The following PTPN3 variants were observed in gnomAD, a reference collection of about 807,000 sequenced individuals.
PTPN3 encodes tyrosine-protein phosphatase non-receptor type 3.
Under a neutral mutation model 132.7 loss-of-function variants are expected in PTPN3, and 96 were observed. That is an observed-to-expected ratio of 0.72 (90% confidence interval 0.61 to 0.86). The LOEUF (loss-of-function observed/expected upper bound fraction) is 0.86. PTPN3 is among the 40% of genes least tolerant of loss of function. The pLI is 0.00. For synonymous variants in PTPN3, 398 were observed against 429.0 expected (o/e 0.93, Z 0.89); for missense variants, 1,125 against 1,159.6 (o/e 0.97, Z 0.43).
chr9:109,409,912 G>A (rs549556979), intron 16 of PTPN3, 87 bp downstream of exon 16: 21 of 1,531,424 alleles, frequency 1.4e-5, no homozygotes, highest in Middle Eastern at 2.1e-4. Context: ...TGTAGCTCAG[G>A]AATGCAGCAC....
upstream of PTPN3, among the ~76,000 whole-genome samples, chr9:109,503,000 C>A (rs551240990): frequency 6.6e-6 from 1 of 152,102 alleles, no homozygotes; most frequent in African/African-American, 2.4e-5. Context: ...AATTTCAAGT[C>A]TTTGGGTGTC....
chr9:109,419,602 T>C (rs909633137), intron 14 of PTPN3, among the ~76,000 whole-genome samples: 1 of 152,070 alleles, frequency 6.6e-6, no homozygotes, highest in Non-Finnish European at 1.5e-5. Context: ...GATATGTAAC[T>C]ATGAATCCAT....
the PTPN3 span, among the ~76,000 whole-genome samples, chr9:109,524,233 G>A: frequency 6.6e-6 from 1 of 151,818 alleles, no homozygotes; most frequent in Admixed American, 6.6e-5. Context: ...AACAGAGTGG[G>A]ACCTTGTCTC....
chr9:109,457,524 A>T, intron 2 of PTPN3, 125 bp from the exon 3 acceptor site: 2 of 729,110 alleles, frequency 2.7e-6, no homozygotes, highest in Non-Finnish European at 4.5e-6. Flanking sequence ...TCCCACCACA[A>T]GAAAAGCTTT....
At position 109,409,986 on chromosome 9, in the gene PTPN3, A is replaced by G. The variant is rs758975977; in HGVS notation, c.1578+13T>C. The stretch of plus-strand genomic sequence containing the variant: ...TCCCAGCACAAAACTTCCTTTATAA[A>G]TACACAACATACCTTAAGATTAAAT... On this transcript the variant is annotated intron_variant, in intron 16 of 25. Transcript: ENST00000374541. The G allele has an allele frequency of 6.2e-7, 1 of 1,613,218 alleles. No homozygotes were observed. The highest frequency in any genetic ancestry group is 1.3e-5 in the African/African-American group (1 of 74,906).
At chr9:109,527,538 T>G in the PTPN3 span, among the ~76,000 whole-genome samples, 1 of 152,164 alleles carries the variant, frequency 6.6e-6, no homozygotes, top group Non-Finnish European at 1.5e-5. Flanking sequence ...AAGGAATAAG[T>G]TCTAGCATTT....
intron 1 of PTPN3, among the ~76,000 whole-genome samples, chr9:109,490,768 C>A (rs573314053): frequency 1.3e-4 from 19 of 151,724 alleles, no homozygotes; most frequent in African/African-American, 4.6e-4. Flanking sequence ...AAGTCAAGGT[C>A]CTGAAGGACC....
the PTPN3 span, among the ~76,000 whole-genome samples, chr9:109,529,474 T>A: frequency 9.2e-5 from 14 of 152,176 alleles, no homozygotes; most frequent in Admixed American, 6.5e-5. Flanking sequence ...TCCTTAATCC[T>A]TTTTCACAGC....
intron 19 of PTPN3, among the ~76,000 whole-genome samples, chr9:109,398,617 G>C (rs979046496): frequency 1.3e-5 from 2 of 152,166 alleles, no homozygotes; most frequent in Non-Finnish European, 2.9e-5. Flanking sequence ...TCAACTGGGG[G>C]ATGCAGGCAT....
intron 18 of PTPN3, among the ~76,000 whole-genome samples, chr9:109,404,900 A>T (rs925035688): frequency 6.6e-6 from 1 of 152,212 alleles, no homozygotes; most frequent in Non-Finnish European, 1.5e-5. Context: ...AATGTTATTT[A>T]AAAAAGCATA....
the PTPN3 span, among the ~76,000 whole-genome samples, chr9:109,526,145 A>G: frequency 6.6e-6 from 1 of 152,210 alleles, no homozygotes; most frequent in Non-Finnish European, 1.5e-5. Flanking sequence ...ATATTTAGGA[A>G]TAAATCTAAT....
chr9:109,531,779 T>C, the PTPN3 span, among the ~76,000 whole-genome samples: 1 of 152,062 alleles, frequency 6.6e-6, no homozygotes, highest in Non-Finnish European at 1.5e-5. Flanking sequence ...TCTTCATCTC[T>C]GGATCCCAAC....
chr9:109,467,933 T>G (rs759224187), intron 1 of PTPN3, among the ~76,000 whole-genome samples: 4 of 152,176 alleles, frequency 2.6e-5, no homozygotes, highest in Non-Finnish European at 5.9e-5. Flanking sequence ...ATGTCATAAA[T>G]AGGTATTTTA....
At chr9:109,462,065 C>T (rs1017668798) in intron 2 of PTPN3, among the ~76,000 whole-genome samples, 1 of 152,236 alleles carries the variant, frequency 6.6e-6, no homozygotes, top group Non-Finnish European at 1.5e-5. Flanking sequence ...GATGCCCTGA[C>T]ACTGGGGAAT....
At chr9:109,472,893 T>C (rs1222858121) in intron 1 of PTPN3, among the ~76,000 whole-genome samples, 1 of 152,232 alleles carries the variant, frequency 6.6e-6, no homozygotes, top group East Asian at 1.9e-4. Flanking sequence ...TAATTCAACG[T>C]TAAAGCCAAG....
intron 1 of PTPN3, among the ~76,000 whole-genome samples, chr9:109,469,232 A>G (rs1047062035): frequency 5.9e-5 from 9 of 152,222 alleles, no homozygotes; most frequent in Non-Finnish European, 1.0e-4. Context: ...CGGATCTGGG[A>G]AACTGTTCTT....
chr9:109,390,334 C>T (rs1311319350), intron 21 of PTPN3, among the ~76,000 whole-genome samples: 1 of 152,290 alleles, frequency 6.6e-6, no homozygotes, highest in African/African-American at 2.4e-5. Flanking sequence ...TGGCAGACCA[C>T]GTATCGCCTG....
intron 6 of PTPN3, 81 bp from the exon 7 acceptor site, chr9:109,445,373 ATG>A (rs1844784357): frequency 7.9e-7 from 1 of 1,259,560 alleles, no homozygotes; most frequent in Non-Finnish European, 1.2e-6. Flanking sequence ...GTAGTAACAC[ATG>A]TCTTTCTTTG....
At chr9:109,462,798 AG>A (rs1305291572) in intron 2 of PTPN3, among the ~76,000 whole-genome samples, 28 of 151,978 alleles carry the variant, frequency 1.8e-4, no homozygotes, top group African/African-American at 6.8e-4. Context: ...ACATTTAACG[AG>A]CACATGCTGT....
Sources: gnomAD v4.1 joint callset for allele counts (sites outside exome capture counted in the v4.1 genomes callset) on GRCh38, gnomAD v4.1.1 for gene constraint, MANE v1.5 for transcripts, NCBI Gene and HGNC (gene_info 2026-07-23, HGNC 2026-07-21) for gene names.